MRAP2: variants seen among roughly 807,000 people sequenced by gnomAD.
MRAP2 encodes melanocortin 2 receptor accessory protein 2, also known as melanocortin-2 receptor accessory protein 2.
Under a neutral mutation model 17.4 loss-of-function variants are expected in MRAP2, and 20 were observed. The observed-to-expected ratio is 1.15, with a 90% CI of 0.81 to 1.67. The LOEUF (loss-of-function observed/expected upper bound fraction) is 1.67. MRAP2 is among the 40% of genes most tolerant of loss of function. MRAP2 has a pLI of 0.00. For missense variants in MRAP2, 238 were observed against 240.0 expected (o/e 0.99, Z 0.05); for synonymous variants, 96 against 88.4 (o/e 1.09, Z -0.48).
intron 1 of MRAP2, among the ~76,000 whole-genome samples, chr6:84,038,095 T>C (rs1039969678): frequency 9.2e-5 from 14 of 152,184 alleles, no homozygotes; most frequent in African/African-American, 2.2e-4. Flanking sequence ...CCAGAGTTTG[T>C]TGGGCAAAGG....
At chr6:84,100,477 G>A in the MRAP2 span, among the ~76,000 whole-genome samples, 1 of 151,974 alleles carries the variant, frequency 6.6e-6, no homozygotes, top group East Asian at 1.9e-4. Flanking sequence ...ATGTTGTCCA[G>A]GCTGGTCTTG....
the MRAP2 span, among the ~76,000 whole-genome samples, chr6:84,115,717 G>A: frequency 9.2e-5 from 14 of 152,284 alleles, no homozygotes; most frequent in African/African-American, 2.9e-4. Flanking sequence ...TGTAGGCACC[G>A]CAGGGAATCT....
At chr6:84,097,576 T>C in the MRAP2 span, among the ~76,000 whole-genome samples, 1 of 152,158 alleles carries the variant, frequency 6.6e-6, no homozygotes, top group Admixed American at 6.5e-5. Context: ...TATATTTCTC[T>C]GGTGAAAATC....
the MRAP2 span, among the ~76,000 whole-genome samples, chr6:84,137,059 G>A: frequency 6.6e-6 from 1 of 152,196 alleles, no homozygotes; most frequent in Non-Finnish European, 1.5e-5. Context: ...CGGTTCTTGT[G>A]GAGCATGCGG....
At chr6:84,048,411 A>T (rs1422941749) in intron 1 of MRAP2, among the ~76,000 whole-genome samples, 1 of 152,232 alleles carries the variant, frequency 6.6e-6, no homozygotes, top group African/African-American at 2.4e-5. Context: ...CTAACAGTTT[A>T]GAAATAGAGC....
chr6:84,143,730 A>G, the MRAP2 span, among the ~76,000 whole-genome samples: 1 of 152,022 alleles, frequency 6.6e-6, no homozygotes, highest in African/African-American at 2.4e-5. Context: ...CTTAATGTCA[A>G]AAGTACAGTG....
At chr6:84,120,930 C>A in the MRAP2 span, among the ~76,000 whole-genome samples, 2 of 152,066 alleles carry the variant, frequency 1.3e-5, no homozygotes, top group Non-Finnish European at 2.9e-5. Context: ...TATGGCTAGT[C>A]CAAACTGCGA....
the MRAP2 span, among the ~76,000 whole-genome samples, chr6:84,099,372 A>T: frequency 1.3e-5 from 2 of 152,066 alleles, no homozygotes; most frequent in Admixed American, 6.5e-5. Context: ...TTTGACACTC[A>T]TTCCACACTT....
intron 2 of MRAP2, among the ~76,000 whole-genome samples, chr6:84,057,220 T>G (rs1261209112): frequency 6.6e-6 from 1 of 152,232 alleles, no homozygotes; most frequent in African/African-American, 2.4e-5. Flanking sequence ...TACAGTCTCT[T>G]TCATTTAAAA....
chr6:84,052,926 T>C, intron 1 of MRAP2: 1 of 318,512 alleles, frequency 3.1e-6, no homozygotes, highest in Non-Finnish European at 4.5e-6. Flanking sequence ...ATAGTTCGTT[T>C]AGATGAAAGG....
chr6:84,050,390 T>C (rs1379777313), intron 1 of MRAP2, among the ~76,000 whole-genome samples: 2 of 152,166 alleles, frequency 1.3e-5, no homozygotes, highest in Non-Finnish European at 2.9e-5. Flanking sequence ...CATTGCCTTA[T>C]AGAGATGCTT....
At chr6:84,077,782 GA>G (rs1019170549) in intron 3 of MRAP2, among the ~76,000 whole-genome samples, 7 of 150,630 alleles carry the variant, frequency 4.6e-5, no homozygotes, top group African/African-American at 1.5e-4. Context: ...ATAAACATAT[GA>G]AAAAAAAATG....
chr6:84,044,616 A>C (rs1044147803), intron 1 of MRAP2, among the ~76,000 whole-genome samples: 45 of 152,158 alleles, frequency 3.0e-4, no homozygotes, highest in Non-Finnish European at 8.8e-5. Flanking sequence ...CCCTCTGTGC[A>C]TGGGCTCCCC....
chr6:84,044,778 TA>T (rs2099488542), intron 1 of MRAP2, among the ~76,000 whole-genome samples: 1 of 152,240 alleles, frequency 6.6e-6, no homozygotes, highest in Non-Finnish European at 1.5e-5. Context: ...GGCTTCAACA[TA>T]TGGATGTTGG....
chr6:84,050,068 C>T (rs1367121792), intron 1 of MRAP2, among the ~76,000 whole-genome samples: 2 of 151,942 alleles, frequency 1.3e-5, no homozygotes, highest in Admixed American at 6.6e-5. Flanking sequence ...GAGTCATACT[C>T]GAGTCAAAAT....
chr6:84,035,095 A>G (rs897428983), intron 1 of MRAP2, among the ~76,000 whole-genome samples: 1 of 152,204 alleles, frequency 6.6e-6, no homozygotes, highest in African/African-American at 2.4e-5. Context: ...TTAACAGGTG[A>G]TAGGAAAAGG....
the MRAP2 span, chr6:84,126,659 A>G: frequency 1.8e-6 from 1 of 543,554 alleles, no homozygotes; most frequent in East Asian, 3.2e-5. Context: ...TTCATTCTCT[A>G]TATCCAGAAA....
At chr6:84,034,726 G>A (rs7767628) in intron 1 of MRAP2, among the ~76,000 whole-genome samples, 3,672 of 152,096 alleles carry the variant, frequency 0.024, 144 homozygotes, top group African/African-American at 0.083. Flanking sequence ...TGTGTCCAGG[G>A]AGACGAGAGA....
the MRAP2 span, among the ~76,000 whole-genome samples, chr6:84,118,286 G>A: frequency 6.6e-6 from 1 of 152,210 alleles, no homozygotes; most frequent in Non-Finnish European, 1.5e-5. Flanking sequence ...CAGCCATGCT[G>A]TGCTGGGAAA....
Sources: allele counts gnomAD v4.1 joint callset (sites outside exome capture counted in the v4.1 genomes callset), GRCh38; gene constraint gnomAD v4.1.1; transcripts MANE v1.5; gene names NCBI Gene and HGNC (gene_info 2026-07-23, HGNC 2026-07-21).